CTDSPL2: variants seen among roughly 807,000 people sequenced by gnomAD.
CTDSPL2 encodes the protein CTD small phosphatase-like protein 2.
In CTDSPL2, 5 loss-of-function variants were observed where a neutral mutation model predicts 60.0. The observed-to-expected ratio is 0.08, with a 90% CI of 0.04 to 0.18. The LOEUF is 0.18. Among genes scored for constraint, CTDSPL2 ranks in the 10% least tolerant of loss-of-function variants. CTDSPL2 has a pLI of 1.00. For missense variants in CTDSPL2, 370 were observed against 548.8 expected (o/e 0.67, Z 3.26); for synonymous variants, 186 against 189.3 (o/e 0.98, Z 0.14).
chr15:44,506,948 T>C (rs2081478392), intron 8 of CTDSPL2, among the ~76,000 whole-genome samples: 2 of 151,014 alleles, frequency 1.3e-5, no homozygotes, highest in Admixed American at 6.6e-5. Flanking sequence ...TTTGTATTTT[T>C]AGTAGAGACA....
At chr15:44,444,842 T>TG in intron 1 of CTDSPL2, among the ~76,000 whole-genome samples, 1 of 116,752 alleles carries the variant, frequency 8.6e-6, no homozygotes, top group Non-Finnish European at 1.7e-5. Context: ...TGTAGTTTTT[T>TG]TTTTTTTTTT....
chr15:44,527,747 G>A lies in CTDSPL2; in HGVS notation c.*3573G>A, dbSNP rs1280193914. The stretch of plus-strand genomic sequence containing the variant: ...CTATGCCAAGCAACTAGTAAAGAAT[G>A]TTTATTTTATTTCCCCTTATAGGGG... On this transcript the variant is annotated 3_prime_UTR_variant, in exon 13 of 13. Transcript: ENST00000260327. 6.6e-6 allele frequency: 1 copy of A among 152,186 alleles called. No homozygotes were observed. Among genetic ancestry groups the A allele is most frequent in the African/African-American group, 2.4e-5 (1 of 41,456 alleles). 9.4% of individuals were successfully genotyped at this position (152,186 alleles called of 1,614,324 possible).
intron 8 of CTDSPL2, chr15:44,502,118 G>A (rs1041644031): frequency 3.2e-6 from 1 of 310,942 alleles, no homozygotes; most frequent in Non-Finnish European, 6.4e-6. Context: ...AATCTGTAAA[G>A]TACTGCATAT....
At chr15:44,498,397 C>T (rs2081336101) in intron 7 of CTDSPL2, among the ~76,000 whole-genome samples, 1 of 151,206 alleles carries the variant, frequency 6.6e-6, no homozygotes, top group African/African-American at 2.4e-5. Context: ...AATTTGAGAC[C>T]AGCCTAGACA....
rs1351590699 is a variant in CTDSPL2 at position 44,525,204 on chromosome 15, T to G, written c.*1030T>G. ...GCATGGGCTGGTAGTACCTCTGTTA[T>G]GCTCTCAGTTACAATCAATTTAAAA... On this transcript the variant is annotated 3_prime_UTR_variant, in exon 13 of 13. Transcript: ENST00000260327. The G allele has an allele frequency of 2.6e-6, 1 of 389,842 alleles. No homozygotes were observed. The highest frequency in any genetic ancestry group is 3.6e-5 in the East Asian group (1 of 27,574). 24.1% of individuals were successfully genotyped at this position (389,842 alleles called of 1,614,324 possible).
intron 8 of CTDSPL2, among the ~76,000 whole-genome samples, chr15:44,514,354 G>A (rs1312626474): frequency 6.6e-6 from 1 of 152,142 alleles, no homozygotes; most frequent in Non-Finnish European, 1.5e-5. Context: ...GTGAAGTACT[G>A]TATGCTGCTA....
At chr15:44,523,189 G>T (rs540383266) in intron 12 of CTDSPL2, among the ~76,000 whole-genome samples, 3 of 152,100 alleles carry the variant, frequency 2.0e-5, no homozygotes, top group South Asian at 4.2e-4. Flanking sequence ...TAGAGACTGG[G>T]TTTCACCACA....
At chr15:44,515,583 T>C (rs2081635686) in intron 10 of CTDSPL2, among the ~76,000 whole-genome samples, 2 of 152,124 alleles carry the variant, frequency 1.3e-5, no homozygotes, top group Non-Finnish European at 2.9e-5. Context: ...ATAAAAGCTT[T>C]AATAGGGCCA....
In CTDSPL2 at chr15:44,486,559, A is replaced by G. The variant is rs2081121752; in HGVS notation, c.334A>G (p.Ser112Gly). Residue 112 changes from serine (S) to glycine (G), a missense_variant, in exon 4 of 13, where the codon AGT (serine) becomes GGT (glycine). Ser to Gly is a moderately conservative substitution (Grantham distance 56). Around this residue, in one of 6 missense-constraint regions of CTDSPL2, gnomAD observed 287 missense variants for 296.1 expected, o/e 0.97. Transcript: ENST00000260327. Reference protein sequence around the residue: ...RKSQVNGEAGSYEMTNQHVKQ... With the variant: ...RKSQVNGEAGGYEMTNQHVKQ... ...TCTTGTTTCTTTTTTAGAAGCTGGT[A>G]GTTATGAAATGACAAATCAACATGT... is the stretch of plus-strand genomic sequence containing the variant. 1 of 1,543,528 alleles carries G rather than the reference A, an allele frequency of 6.5e-7. No individual in the cohort carries two copies. Among genetic ancestry groups the G allele is most frequent in the Non-Finnish European group, 8.7e-7 (1 of 1,150,270 alleles).
intron 4 of CTDSPL2, among the ~76,000 whole-genome samples, chr15:44,490,543 A>C (rs113701943): frequency 3.9e-4 from 59 of 152,284 alleles, no homozygotes; most frequent in African/African-American, 1.3e-3. Flanking sequence ...TGGTTGAAAA[A>C]TTACAATTGC....
At chr15:44,482,378 C>T (rs910924878) in intron 2 of CTDSPL2, among the ~76,000 whole-genome samples, 1 of 152,178 alleles carries the variant, frequency 6.6e-6, no homozygotes, top group African/African-American at 2.4e-5. Flanking sequence ...TACCTCTCTC[C>T]CCTTCTGGAC....
intron 8 of CTDSPL2, among the ~76,000 whole-genome samples, chr15:44,501,672 C>T (rs143115589): frequency 5.9e-5 from 9 of 152,180 alleles, no homozygotes; most frequent in African/African-American, 2.2e-4. Context: ...AATAAATGAT[C>T]TAGCCTAAAT....
chr15:44,521,933 G>A lies in CTDSPL2; in HGVS notation c.1335+527G>A, dbSNP rs1397527050. 2.1e-4 allele frequency among the ~76,000 whole-genome samples: 12 copies of A among 56,590 alleles called. No homozygotes were observed. In the East Asian group the frequency reaches 5.8e-3, roughly 28 times the overall value. The allele number at this position is 56,590 out of a possible 152,430, so 37.1% of individuals were successfully genotyped here. The stretch of plus-strand genomic sequence containing the variant: ...AGCCTGGGCGACAGAGCGAGACTCC[G>A]TCTCAAAAAAAAAAAAAAAAAAAAA... On this transcript the variant is annotated intron_variant, in intron 12 of 12. Coordinates refer to ENST00000260327, the MANE Select transcript of CTDSPL2 (RefSeq NM_016396.3).
intron 2 of CTDSPL2, among the ~76,000 whole-genome samples, chr15:44,461,013 G>C (rs1181818503): frequency 6.6e-6 from 1 of 152,030 alleles, no homozygotes; most frequent in African/African-American, 2.4e-5. Flanking sequence ...TTTTCCACTT[G>C]AAAACAGATC....
chr15:44,475,638 C>CA (rs3041871), intron 2 of CTDSPL2, among the ~76,000 whole-genome samples: 59 of 134,132 alleles, frequency 4.4e-4, no homozygotes, highest in South Asian at 9.6e-4. Context: ...GACTTCGTCT[C>CA]AAAAAAAAAA....
intron 2 of CTDSPL2, among the ~76,000 whole-genome samples, chr15:44,480,038 C>T (rs1363829843): frequency 2.6e-5 from 4 of 152,170 alleles, no homozygotes; most frequent in Non-Finnish European, 5.9e-5. Flanking sequence ...TCTGTCTTTT[C>T]TCTCTGTGCC....
chr15:44,457,697 C>T (rs1369700605), intron 1 of CTDSPL2, among the ~76,000 whole-genome samples: 3 of 152,060 alleles, frequency 2.0e-5, no homozygotes, highest in African/African-American at 7.2e-5. Flanking sequence ...ATGCAACCTC[C>T]GCCTCCCGGG....
chr15:44,456,590 A>G (rs2080445888), intron 1 of CTDSPL2, among the ~76,000 whole-genome samples: 1 of 152,158 alleles, frequency 6.6e-6, no homozygotes, highest in African/African-American at 2.4e-5. Context: ...CAGTGATGAT[A>G]TCCCCTTTGT....
chr15:44,459,346 T>C, intron 2 of CTDSPL2, 146 bp downstream of exon 2: 2 of 470,812 alleles, frequency 4.2e-6, no homozygotes, highest in Non-Finnish European at 7.3e-6. Context: ...GCTAACACGG[T>C]GAAACCCCGT....
Sources: gnomAD v4.1 joint callset for allele counts (sites outside exome capture counted in the v4.1 genomes callset) on GRCh38, gnomAD v4.1.1 for gene constraint, gnomAD v4.1.1 regional missense constraint, MANE v1.5 for transcripts, NCBI Gene and HGNC (gene_info 2026-07-23, HGNC 2026-07-21) for gene names.